SULT2B1: variants seen among roughly 807,000 people sequenced by gnomAD.
SULT2B1 encodes sulfotransferase family 2B member 1.
SULT2B1 carries 16 observed loss-of-function variants against 33.2 expected under a neutral mutation model. The ratio of observed to expected loss-of-function variants is 0.48; its 90% CI spans 0.33 to 0.73. The LOEUF (loss-of-function observed/expected upper bound fraction) is 0.73, where lower values mean the gene tolerates loss of function less well. SULT2B1 is among the 30% of genes least tolerant of loss of function. The pLI, the probability that SULT2B1 is intolerant of heterozygous loss-of-function variation, is 0.02. For missense variants in SULT2B1, 500 were observed against 506.0 expected (o/e 0.99, Z 0.11); for synonymous variants, 186 against 200.5 (o/e 0.93, Z 0.61).
intron 1 of SULT2B1, among the ~76,000 whole-genome samples, chr19:48,561,599 C>T (rs957229317): frequency 2.6e-5 from 4 of 151,854 alleles, no homozygotes; most frequent in African/African-American, 7.3e-5. Context: ...TGCGGTTCCA[C>T]GGTGTAGTGG....
intron 1 of SULT2B1, among the ~76,000 whole-genome samples, chr19:48,566,568 G>A (rs1267910341): frequency 2.6e-5 from 4 of 152,134 alleles, no homozygotes; most frequent in African/African-American, 2.4e-5. Flanking sequence ...TGTGCCAGGC[G>A]TGGTGGCTCA....
intron 2 of SULT2B1, among the ~76,000 whole-genome samples, chr19:48,586,385 G>T (rs1055105536): frequency 1.3e-5 from 2 of 152,178 alleles, no homozygotes; most frequent in African/African-American, 4.8e-5. Flanking sequence ...CAGACATTTG[G>T]TTCCTTCCAT....
intron 1 of SULT2B1, among the ~76,000 whole-genome samples, chr19:48,558,946 A>G (rs2147597315): frequency 6.6e-6 from 1 of 152,144 alleles, no homozygotes; most frequent in South Asian, 2.1e-4. Context: ...TCGTCCTCCC[A>G]AAGTGCTGGG....
chr19:48,574,836 C>T (rs566622679), intron 1 of SULT2B1, among the ~76,000 whole-genome samples: 31 of 152,200 alleles, frequency 2.0e-4, no homozygotes, highest in Non-Finnish European at 5.9e-5. Context: ...CTGCGCCTGC[C>T]CACTGGACTA....
chr19:48,567,788 G>A (rs8107219), intron 1 of SULT2B1, among the ~76,000 whole-genome samples: 81,121 of 151,404 alleles, frequency 0.54, 22,331 homozygotes, highest in African/African-American at 0.65. Flanking sequence ...TGAGCAATGT[G>A]GTGAGACTCT....
chr19:48,570,532 C>G (rs1973307866), intron 1 of SULT2B1, among the ~76,000 whole-genome samples: 1 of 151,880 alleles, frequency 6.6e-6, no homozygotes, highest in South Asian at 2.1e-4. Context: ...TGCTGTTTAT[C>G]CACTTACCCA....
intron 2 of SULT2B1, among the ~76,000 whole-genome samples, chr19:48,581,471 A>AG (rs1444111588): frequency 1.1e-4 from 4 of 37,624 alleles, no homozygotes. Context: ...GAGATTTGAG[A>AG]GTTTTTTTTT....
intron 1 of SULT2B1, among the ~76,000 whole-genome samples, chr19:48,556,640 G>C (rs1244836958): frequency 6.7e-6 from 1 of 150,270 alleles, no homozygotes; most frequent in Non-Finnish European, 1.5e-5. Context: ...CAGAATACAC[G>C]CATATGTGAT....
rs58997933 is a variant in SULT2B1 at position 48,555,589 on chromosome 19, T to TC, written c.71+3266_71+3267insC. The stretch of plus-strand genomic sequence containing the variant: ...CTCTCTCTCTCTCTCTCTCTCTCTC[T>TC]TTTGAGACAGAGCCTTGCTCTGTGG... On this transcript the variant is annotated intron_variant, in intron 1 of 6. Coordinates refer to ENST00000201586, the MANE Select transcript of SULT2B1 (RefSeq NM_177973.2). 3.2e-3 allele frequency among the ~76,000 whole-genome samples: 468 copies of TC among 146,440 alleles called. 1 individual carries two copies. The highest frequency in any genetic ancestry group is 0.011 in the African/African-American group (438 of 39,118).
chr19:48,592,689 C>A, intron 4 of SULT2B1, 33 bp from the exon 5 acceptor site: 1 of 1,551,854 alleles, frequency 6.4e-7, no homozygotes, highest in Non-Finnish European at 8.8e-7. Context: ...CCCCGCCACT[C>A]AGCCCTCACC....
At chr19:48,586,971 G>T (rs962702165) in intron 2 of SULT2B1, among the ~76,000 whole-genome samples, 1 of 152,072 alleles carries the variant, frequency 6.6e-6, no homozygotes, top group Admixed American at 6.6e-5. Flanking sequence ...TTAGCCAGGC[G>T]TGGTGGTGGG....
At position 48,591,695 on chromosome 19, in the gene SULT2B1, C is replaced by T; in HGVS notation, c.510C>T (p.Gly170=). ...TCGCCGGGCAGTTAAAGGACCCGGG[C>T]ACACCCGACCAGTTCCTGAGGGACT... The part of the protein sequence containing the change: ...SKIAGQLKDP[G]TPDQFLRDFL... The change falls in exon 4 of 7, where the codon GGC becomes GGT. Residue 170 remains glycine (G), a synonymous_variant. Coordinates refer to ENST00000201586, the MANE Select transcript of SULT2B1 (RefSeq NM_177973.2). The T allele has an allele frequency of 6.2e-7, 1 of 1,611,394 alleles. No homozygotes were observed. The highest frequency in any genetic ancestry group is 8.5e-7 in the Non-Finnish European group (1 of 1,178,768).
chr19:48,562,006 T>C (rs1335040206), intron 1 of SULT2B1, among the ~76,000 whole-genome samples: 1 of 151,862 alleles, frequency 6.6e-6, no homozygotes, highest in Non-Finnish European at 1.5e-5. Flanking sequence ...TCCCAGAACT[T>C]TGGGAGGCCA....
Position 48,587,299 on chromosome 19 carries a change from G to C in SULT2B1, c.285G>C (p.Val95=). Residue 95 remains valine, a synonymous_variant, in exon 3 of 7, where the codon GTG becomes GTC. Transcript: ENST00000201586. ...KEGDPSWIRS[V]PIWERAPWCE... Reference sequence around the variant, plus strand: ...GGGATCCATCCTGGATCCGCTCCGTGCCCATCTGGGAGCGGGCACCCTGGT... The same window carrying C: ...GGGATCCATCCTGGATCCGCTCCGTCCCCATCTGGGAGCGGGCACCCTGGT... 2 of 1,614,058 alleles carry C rather than the reference G, an allele frequency of 1.2e-6. No individual in the cohort carries two copies. Among genetic ancestry groups the C allele is most frequent in the Non-Finnish European group, 1.7e-6 (2 of 1,180,012 alleles).
At chr19:48,597,194 T>C (rs1973730544) in intron 6 of SULT2B1, among the ~76,000 whole-genome samples, 2 of 151,678 alleles carry the variant, frequency 1.3e-5, no homozygotes. Flanking sequence ...AGATTTAGAG[T>C]CTTCATGAGT....
At chr19:48,575,100 C>CTT (rs66515808) in intron 1 of SULT2B1, among the ~76,000 whole-genome samples, 952 of 81,480 alleles carry the variant, frequency 0.012, 58 homozygotes, top group African/African-American at 0.022. Flanking sequence ...CTGTTTTAAC[C>CTT]TTTTTTTTTT....
At chr19:48,595,022 A>C (rs879625890) in intron 5 of SULT2B1, among the ~76,000 whole-genome samples, 1 of 149,220 alleles carries the variant, frequency 6.7e-6, no homozygotes, top group Non-Finnish European at 1.5e-5. Context: ...GCTTAGTCTC[A>C]TTGTAATCCC....
rs1429215204 is a variant in SULT2B1 at position 48,592,815 on chromosome 19, A to G, written c.644A>G (p.Gln215Arg). Residue 215 changes from glutamine to arginine, a missense_variant and splice_region_variant, in exon 5 of 7, where the codon CAG (glutamine) becomes CGG (arginine). Coordinates refer to ENST00000201586, the MANE Select transcript of SULT2B1 (RefSeq NM_177973.2). ...TTTATCACCTACGAGGAGCTGCAGC[A>G]GGTGAGTCCCCACCTCCTCCAGGTG... The part of the protein sequence containing the change: ...FLFITYEELQ[Q>R]DLQGSVERIC... 1 of 1,562,836 alleles carries G rather than the reference A, an allele frequency of 6.4e-7. No individual in the cohort carries two copies. Among genetic ancestry groups the G allele is most frequent in the African/African-American group, 1.4e-5 (1 of 73,944 alleles).
At chr19:48,555,639 A>G (rs1260820944) in intron 1 of SULT2B1, among the ~76,000 whole-genome samples, 1 of 148,062 alleles carries the variant, frequency 6.8e-6, no homozygotes, top group East Asian at 2.0e-4. Flanking sequence ...CAGTGGCACA[A>G]TCTCGGCTCA....
Sources: allele counts gnomAD v4.1 joint callset (sites outside exome capture counted in the v4.1 genomes callset), GRCh38; gene constraint gnomAD v4.1.1; transcripts MANE v1.5; gene names NCBI Gene and HGNC (gene_info 2026-07-23, HGNC 2026-07-21).